AUTS2: variants seen among roughly 807,000 people sequenced by gnomAD.
AUTS2 encodes activator of transcription and developmental regulator AUTS2.
A neutral mutation model predicts 112.4 loss-of-function variants in AUTS2; 17 were observed. That is an observed-to-expected ratio of 0.15 (90% CI 0.10 to 0.23). AUTS2 has a LOEUF of 0.23. AUTS2 is among the 10% of genes least tolerant of loss of function. The probability of loss-of-function intolerance (pLI) is 1.00; values close to 1 mark genes in which losing one functional copy is unlikely to be tolerated. For synonymous variants in AUTS2, 751 were observed against 702.7 expected, an observed-to-expected ratio of 1.07 and a Z score of -1.09; for missense variants, 1,510 against 1,701.6, an observed-to-expected ratio of 0.89 and a Z score of 1.98.
At chr7:70,015,450 G>A (rs771971276) in intron 2 of AUTS2, among the ~76,000 whole-genome samples, 14 of 152,194 alleles carry the variant, frequency 9.2e-5, no homozygotes, top group Admixed American at 5.9e-4. Context: ...GAATTTAAAA[G>A]CAGATGTGTC....
Position 70,557,879 on chromosome 7 carries a change from G to C in AUTS2, c.690+122098G>C, listed in dbSNP as rs117094072. Among the ~76,000 whole-genome samples, 1,101 of 152,282 alleles carry C rather than the reference G, an allele frequency of 7.2e-3. 13 individuals are homozygous for C. The highest frequency in any genetic ancestry group is 0.013 in the Non-Finnish European group (852 of 68,026). ...AGCAGCCCTTCCAGAGCTGGAGCAG[G>C]GGGTCTGTGCAGGGCTCACAGGAGA... On this transcript the variant is annotated intron_variant, in intron 5 of 18. Transcript: ENST00000342771.
chr7:70,693,700 G>C (rs1808877322), intron 5 of AUTS2, among the ~76,000 whole-genome samples: 1 of 152,236 alleles, frequency 6.6e-6, no homozygotes, highest in Non-Finnish European at 1.5e-5. Context: ...CAGAGAGCCT[G>C]CTCTTTGCAG....
At chr7:69,705,256 C>T (rs951714425) in intron 1 of AUTS2, among the ~76,000 whole-genome samples, 2 of 152,118 alleles carry the variant, frequency 1.3e-5, no homozygotes, top group South Asian at 2.1e-4. Flanking sequence ...TAACAATGTG[C>T]GTGCATAGGT....
intron 2 of AUTS2, among the ~76,000 whole-genome samples, chr7:69,921,324 G>T (rs897560845): frequency 5.9e-5 from 7 of 117,800 alleles, no homozygotes; most frequent in South Asian, 3.1e-4. Flanking sequence ...ATTTAGACTT[G>T]AAGTTTTTTT....
chr7:70,232,341 G>A (rs2129596860), intron 4 of AUTS2, among the ~76,000 whole-genome samples: 1 of 151,978 alleles, frequency 6.6e-6, no homozygotes, highest in Middle Eastern at 3.5e-3. Context: ...GTCTTTCTAT[G>A]AGCATACATA....
At chr7:70,472,566 A>C (rs1465127892) in intron 5 of AUTS2, among the ~76,000 whole-genome samples, 1 of 152,152 alleles carries the variant, frequency 6.6e-6, no homozygotes. Context: ...TTTTAAAATT[A>C]CCAGCCATTA....
At chr7:70,776,178 C>T (rs1206304379) in intron 13 of AUTS2, among the ~76,000 whole-genome samples, 2 of 152,202 alleles carry the variant, frequency 1.3e-5, no homozygotes, top group Non-Finnish European at 2.9e-5. Context: ...GGAACTAACT[C>T]CATACTGTAG....
At chr7:69,662,027 T>A (rs532853018) in intron 1 of AUTS2, among the ~76,000 whole-genome samples, 1 of 152,296 alleles carries the variant, frequency 6.6e-6, no homozygotes, top group Non-Finnish European at 1.5e-5. Context: ...TTTTCTTCTT[T>A]ATTTGCTCCT....
chr7:70,604,306 G>A (rs1246387798), intron 5 of AUTS2, among the ~76,000 whole-genome samples: 1 of 152,212 alleles, frequency 6.6e-6, no homozygotes, highest in African/African-American at 2.4e-5. Context: ...CGAGAGCAAA[G>A]TGTCAGTGCC....
At chr7:69,865,314 T>C (rs1190621220) in intron 1 of AUTS2, among the ~76,000 whole-genome samples, 1 of 152,104 alleles carries the variant, frequency 6.6e-6, no homozygotes, top group South Asian at 2.1e-4. Context: ...ATGGTTAAAG[T>C]GTTTATTTCC....
intron 3 of AUTS2, among the ~76,000 whole-genome samples, chr7:70,131,969 C>T (rs1448114818): frequency 1.3e-5 from 2 of 151,712 alleles, no homozygotes; most frequent in Non-Finnish European, 2.9e-5. Context: ...ATAGATGTCA[C>T]TCCTGTTAAA....
chr7:70,768,173 C>G lies in AUTS2; in HGVS notation c.1734+105C>G. On this transcript the variant is annotated intron_variant, in intron 10 of 18. Coordinates refer to ENST00000342771, the MANE Select transcript of AUTS2 (RefSeq NM_015570.4). ...TAGCAGCCTTCCTTAATCATCTTTG[C>G]AAGAGTTCCCATTGCTCCTCGCCAC... 7.9e-6 allele frequency: 9 copies of G among 1,132,514 alleles called. No individual in the cohort carries two copies. In the South Asian group the frequency reaches 1.3e-4, roughly 16 times the overall value. The allele number at this position is 1,132,514 out of a possible 1,614,324, so 70.2% of individuals were successfully genotyped here.
chr7:69,614,368 T>TTTCTTTTCTTTCTTTTCTTTC, intron 1 of AUTS2, among the ~76,000 whole-genome samples: 45 of 19,418 alleles, frequency 2.3e-3, no homozygotes, highest in South Asian at 5.2e-3. Flanking sequence ...TTCTTTCTTT[T>TTTCTTTTCTTTCTTTTCTTTC]TTTAAGAGAT....
intron 6 of AUTS2, among the ~76,000 whole-genome samples, chr7:70,734,129 C>T (rs1045737002): frequency 6.6e-6 from 1 of 151,960 alleles, no homozygotes; most frequent in Non-Finnish European, 1.5e-5. Context: ...TCACGTTGTA[C>T]TCGTTTGTCC....
chr7:70,574,734 C>A (rs896620679), intron 5 of AUTS2, among the ~76,000 whole-genome samples: 2 of 152,176 alleles, frequency 1.3e-5, no homozygotes, highest in African/African-American at 4.8e-5. Flanking sequence ...CTAACTAGGG[C>A]AGACCACTGG....
intron 5 of AUTS2, among the ~76,000 whole-genome samples, chr7:70,486,587 C>T (rs1344717857): frequency 6.6e-6 from 1 of 151,900 alleles, no homozygotes; most frequent in Non-Finnish European, 1.5e-5. Context: ...AAACAAAAAA[C>T]AAAAACAAAA....
At chr7:70,448,521 C>A (rs571692656) in intron 5 of AUTS2, among the ~76,000 whole-genome samples, 27 of 152,284 alleles carry the variant, frequency 1.8e-4, no homozygotes, top group Non-Finnish European at 3.5e-4. Flanking sequence ...AGGGGATTGA[C>A]CTTAGTTTCT....
At chr7:70,548,599 A>G (rs865816423) in intron 5 of AUTS2, among the ~76,000 whole-genome samples, 2 of 152,276 alleles carry the variant, frequency 1.3e-5, no homozygotes, top group Middle Eastern at 6.8e-3. Flanking sequence ...ATAAGGGTCT[A>G]GTTCTGTGTT....
chr7:69,980,905 C>G (rs755048444), intron 2 of AUTS2, among the ~76,000 whole-genome samples: 1 of 152,136 alleles, frequency 6.6e-6, no homozygotes. Flanking sequence ...TTGCATAAAT[C>G]ACATCTGTAA....
Sources: allele counts gnomAD v4.1 joint callset (sites outside exome capture counted in the v4.1 genomes callset), GRCh38; gene constraint gnomAD v4.1.1; transcripts MANE v1.5; gene names NCBI Gene and HGNC (gene_info 2026-07-23, HGNC 2026-07-21).